The following TLE4 variants were observed in gnomAD, a reference collection of about 807,000 sequenced individuals.
TLE4 encodes the protein transducin-like enhancer protein 4.
Under a neutral mutation model 92.8 loss-of-function variants are expected in TLE4, and 8 were observed. The ratio of observed to expected loss-of-function variants is 0.09; its 90% CI spans 0.05 to 0.16. TLE4 has a LOEUF of 0.16. Ranked by LOEUF, TLE4 falls within the 10% of genes least tolerant of loss-of-function variation. The pLI is 1.00. For missense variants in TLE4, 675 were observed against 997.6 expected (o/e 0.68, Z 4.36); for synonymous variants, 371 against 374.1 (o/e 0.99, Z 0.10).
At chr9:79,712,077 G>T (rs1003541519) in intron 14 of TLE4, among the ~76,000 whole-genome samples, 3 of 152,168 alleles carry the variant, frequency 2.0e-5, no homozygotes, top group Non-Finnish European at 2.9e-5. Context: ...TCAACAAGAA[G>T]GATGTGAAGA....
At chr9:79,609,453 G>A (rs903251065) in intron 4 of TLE4, among the ~76,000 whole-genome samples, 1 of 152,050 alleles carries the variant, frequency 6.6e-6, no homozygotes, top group South Asian at 2.1e-4. Context: ...GTGTAAAGGT[G>A]GGTAATTTTG....
chr9:79,724,911 C>T (rs1472301405), intron 19 of TLE4, 126 bp from the exon 20 acceptor site: 2 of 470,648 alleles, frequency 4.2e-6, no homozygotes, highest in Admixed American at 5.1e-5. Context: ...CCACCTTTCA[C>T]CTTTCCTTGA....
chr9:79,617,574 G>C (rs2133224727), intron 5 of TLE4, among the ~76,000 whole-genome samples: 1 of 152,242 alleles, frequency 6.6e-6, no homozygotes, highest in South Asian at 2.1e-4. Flanking sequence ...CACATTCATT[G>C]GAAGAGGCAC....
Position 79,712,897 on chromosome 9 carries a change from G to A in TLE4, c.1340+3198G>A, listed in dbSNP as rs760922193. 1.1e-4 allele frequency among the ~76,000 whole-genome samples: 16 copies of A among 152,312 alleles called. 1 individual carries two copies. In the South Asian group the frequency reaches 1.9e-3, roughly 18 times the overall value. The stretch of plus-strand genomic sequence containing the variant: ...ACACAGCAAAAATAAAAGATCTCAC[G>A]TTAGTGGATTATAGGCTGCTCACAA... On this transcript the variant is annotated intron_variant, in intron 14 of 19. Coordinates refer to ENST00000376552, the MANE Select transcript of TLE4 (RefSeq NM_007005.6).
intron 8 of TLE4, among the ~76,000 whole-genome samples, chr9:79,702,827 G>A (rs1185930226): frequency 2.0e-5 from 3 of 152,106 alleles, no homozygotes; most frequent in African/African-American, 7.2e-5. Context: ...GTAATAAAGA[G>A]TTGCCATCAC....
chr9:79,720,875 G>A (rs75419201), intron 16 of TLE4, among the ~76,000 whole-genome samples: 1,600 of 152,240 alleles, frequency 0.011, 29 homozygotes, highest in African/African-American at 0.036. Flanking sequence ...CCACCTTTGA[G>A]GTTGGATAGA....
intron 5 of TLE4, among the ~76,000 whole-genome samples, chr9:79,621,707 C>G (rs992073379): frequency 6.6e-6 from 1 of 152,048 alleles, no homozygotes; most frequent in South Asian, 2.1e-4. Flanking sequence ...TAGAAATTTG[C>G]GTGCTTTTGG....
At chr9:79,638,858 T>A (rs1372113108) in intron 6 of TLE4, among the ~76,000 whole-genome samples, 1 of 152,138 alleles carries the variant, frequency 6.6e-6, no homozygotes, top group Admixed American at 6.6e-5. Flanking sequence ...GAATGGCCTC[T>A]GAGCAAAGAT....
At chr9:79,715,738 A>G (rs1465400134) in intron 14 of TLE4, among the ~76,000 whole-genome samples, 1 of 152,132 alleles carries the variant, frequency 6.6e-6, no homozygotes, top group Admixed American at 6.6e-5. Context: ...TGACTCTGGT[A>G]TCTACAAAGA....
At chr9:79,648,099 G>A (rs1335155277) in intron 6 of TLE4, among the ~76,000 whole-genome samples, 2 of 152,204 alleles carry the variant, frequency 1.3e-5, no homozygotes, top group African/African-American at 4.8e-5. Flanking sequence ...GGTGGAGTTA[G>A]GCTGATGCTA....
At chr9:79,680,980 C>T (rs1213894377) in intron 8 of TLE4, among the ~76,000 whole-genome samples, 4 of 152,138 alleles carry the variant, frequency 2.6e-5, no homozygotes, top group African/African-American at 4.8e-5. Flanking sequence ...ATGAAGCCCA[C>T]TTGATCATGG....
chr9:79,625,520 T>C (rs1456064629), intron 5 of TLE4, among the ~76,000 whole-genome samples: 2 of 152,178 alleles, frequency 1.3e-5, no homozygotes, highest in African/African-American at 4.8e-5. Flanking sequence ...TTGTTGAGTA[T>C]AGGAAAGTAA....
intron 6 of TLE4, among the ~76,000 whole-genome samples, chr9:79,640,858 G>A (rs1350527894): frequency 6.6e-6 from 1 of 151,890 alleles, no homozygotes; most frequent in Admixed American, 6.6e-5. Context: ...CTTTATAAAG[G>A]CCAGTTTAAG....
intron 8 of TLE4, among the ~76,000 whole-genome samples, chr9:79,694,371 A>C (rs973651223): frequency 2.0e-5 from 3 of 152,168 alleles, no homozygotes; most frequent in Non-Finnish European, 4.4e-5. Flanking sequence ...TGGTTAGTGG[A>C]GTGCTCTTGT....
chr9:79,676,168 T>C (rs778908965), intron 8 of TLE4, among the ~76,000 whole-genome samples: 8 of 152,186 alleles, frequency 5.3e-5, no homozygotes, highest in Non-Finnish European at 8.8e-5. Context: ...TTGCCAGTCA[T>C]GTTTGTTTAG....
intron 4 of TLE4, among the ~76,000 whole-genome samples, chr9:79,609,424 A>T (rs1198932431): frequency 2.0e-5 from 3 of 151,902 alleles, no homozygotes; most frequent in Non-Finnish European, 4.4e-5. Context: ...TATTTTATTT[A>T]TTTTTTTGTT....
Position 79,720,198 on chromosome 9 carries a change from T to C in TLE4, c.1743T>C (p.Tyr581=). Residue 581 remains tyrosine, a synonymous_variant, in exon 16 of 20, where the codon TAT becomes TAC. Coordinates refer to ENST00000376552, the MANE Select transcript of TLE4 (RefSeq NM_007005.6). ...AELTSSAPAC[Y]ALAISPDSKV... ...TGACATCCTCGGCCCCCGCCTGCTA[T>C]GCCCTGGCCATCAGCCCCGATTCCA... 6 of 1,614,222 alleles carry C rather than the reference T, an allele frequency of 3.7e-6. No homozygotes were observed. Among genetic ancestry groups the C allele is most frequent in the Non-Finnish European group, 5.1e-6 (6 of 1,180,032 alleles).
intron 1 of TLE4, chr9:79,573,182 C>G (rs901353144): frequency 1.1e-6 from 1 of 950,924 alleles, no homozygotes. Flanking sequence ...AGGGCGCCCT[C>G]GGCAGCGGCG....
At chr9:79,616,696 A>G (rs901059105) in intron 5 of TLE4, among the ~76,000 whole-genome samples, 2 of 152,158 alleles carry the variant, frequency 1.3e-5, no homozygotes, top group Non-Finnish European at 2.9e-5. Context: ...AGTAAAACTG[A>G]GGATTGCCAA....
Sources: allele counts gnomAD v4.1 joint callset (sites outside exome capture counted in the v4.1 genomes callset), GRCh38; gene constraint gnomAD v4.1.1; transcripts MANE v1.5; gene names NCBI Gene and HGNC (gene_info 2026-07-23, HGNC 2026-07-21).